NRG2: variants seen among roughly 807,000 people sequenced by gnomAD.
NRG2 encodes pro-neuregulin-2, membrane-bound isoform.
NRG2 carries 27 observed loss-of-function variants against 73.9 expected under a neutral mutation model. The observed-to-expected ratio is 0.37, with a 90% CI of 0.27 to 0.50. NRG2 has a LOEUF of 0.50. Ranked by LOEUF, NRG2 falls within the 20% of genes least tolerant of loss-of-function variation. The probability of loss-of-function intolerance (pLI) is 0.96; values close to 1 mark genes in which losing one functional copy is unlikely to be tolerated. For missense variants in NRG2, 1,126 were observed against 1,210.1 expected (o/e 0.93, Z 1.03); for synonymous variants, 532 against 541.0 (o/e 0.98, Z 0.23).
chr5:139,917,642 G>A (rs78071939), intron 1 of NRG2, among the ~76,000 whole-genome samples: 3,116 of 152,090 alleles, frequency 0.02, 110 homozygotes, highest in African/African-American at 0.071. Flanking sequence ...TCTTCTTTGG[G>A]GAAATGTTTA....
At chr5:140,015,483 T>A (rs1045139208) in intron 1 of NRG2, among the ~76,000 whole-genome samples, 8 of 152,228 alleles carry the variant, frequency 5.3e-5, no homozygotes, top group African/African-American at 1.9e-4. Flanking sequence ...TTCATCTTTG[T>A]GTCCCCAGTA....
chr5:140,010,497 C>T (rs995826590), intron 1 of NRG2, among the ~76,000 whole-genome samples: 1 of 151,842 alleles, frequency 6.6e-6, no homozygotes, highest in African/African-American at 2.4e-5. Flanking sequence ...ATTTTAACAA[C>T]AACAATTGAT....
At chr5:139,925,324 T>A (rs1212000882) in intron 1 of NRG2, among the ~76,000 whole-genome samples, 1 of 152,190 alleles carries the variant, frequency 6.6e-6, no homozygotes. Flanking sequence ...CCGCTGCTCC[T>A]CAGCTTCGTC....
At chr5:139,940,861 A>T (rs1439623710) in intron 1 of NRG2, among the ~76,000 whole-genome samples, 1 of 152,188 alleles carries the variant, frequency 6.6e-6, no homozygotes, top group Non-Finnish European at 1.5e-5. Context: ...AGATGCTGAT[A>T]CAGGGAAGTA....
At chr5:139,981,027 G>A (rs1756760255) in intron 1 of NRG2, among the ~76,000 whole-genome samples, 1 of 152,178 alleles carries the variant, frequency 6.6e-6, no homozygotes, top group South Asian at 2.1e-4. Context: ...GTGAAGAGTT[G>A]GGAAAAGCAT....
Position 139,848,101 on chromosome 5 carries a change from G to A in NRG2, c.2369C>T (p.Ala790Val), listed in dbSNP as rs1402078162. ...CAGGCCCAGGAAAGGTGTGCTCTCG[G>A]CCGCCAGCGCCCCGTCCGCGTCGTC... is the stretch of plus-strand genomic sequence containing the variant. ...DADDADGALAAESTPFLGLRG... is the reference protein window; with the variant it reads ...DADDADGALAVESTPFLGLRG... Residue 790 changes from alanine (A) to valine (V), a missense_variant, in exon 10 of 10, where the codon GCC becomes GTC. Physicochemically the swap from Ala to Val is moderately conservative, Grantham distance 64 (BLOSUM62 0). Transcript: ENST00000361474. 8 of 1,480,908 alleles carry A rather than the reference G, an allele frequency of 5.4e-6. No homozygotes were observed. The Middle Eastern group carries it at 7.0e-4, about 130-fold the overall frequency. The allele number at this position is 1,480,908 out of a possible 1,614,324, so 91.7% of individuals were successfully genotyped here.
chr5:139,956,447 C>T (rs1443376621), intron 1 of NRG2, among the ~76,000 whole-genome samples: 1 of 152,132 alleles, frequency 6.6e-6, no homozygotes, highest in African/African-American at 2.4e-5. Flanking sequence ...ATGACCCTTC[C>T]TAGCCCCAAG....
intron 5 of NRG2, among the ~76,000 whole-genome samples, chr5:139,861,162 G>A (rs1480197585): frequency 2.0e-5 from 3 of 152,240 alleles, no homozygotes; most frequent in African/African-American, 7.2e-5. Context: ...ACAGGAAGAT[G>A]TGAACAAGCC....
chr5:139,862,013 C>T (rs1399674412), intron 5 of NRG2, among the ~76,000 whole-genome samples: 2 of 152,182 alleles, frequency 1.3e-5, no homozygotes, highest in Non-Finnish European at 1.5e-5. Flanking sequence ...CCCAAGGTCA[C>T]ACAGCAAATT....
chr5:140,029,388 A>C (rs1237965996), intron 1 of NRG2, among the ~76,000 whole-genome samples: 1 of 152,222 alleles, frequency 6.6e-6, no homozygotes, highest in Non-Finnish European at 1.5e-5. Context: ...AATGTTTTCT[A>C]TAAGAAGGCA....
chr5:140,033,667 C>T (rs530871229), intron 1 of NRG2, among the ~76,000 whole-genome samples: 98 of 152,328 alleles, frequency 6.4e-4, no homozygotes, highest in African/African-American at 2.3e-3. Context: ...CAAGTTGAAA[C>T]AAATGGGAAT....
At position 139,915,307 on chromosome 5, in the gene NRG2, C is replaced by T. The variant is rs568764507; in HGVS notation, c.701-27796G>A. 7.9e-5 allele frequency among the ~76,000 whole-genome samples: 12 copies of T among 152,292 alleles called. No individual in the cohort carries two copies. The East Asian group carries it at 1.2e-3, about 15-fold the overall frequency. On this transcript the variant is annotated intron_variant, in intron 1 of 9. Transcript: ENST00000361474. The surrounding 1 kb of genome is among the most constrained non-coding windows in gnomAD (Gnocchi z 4.0). The stretch of plus-strand genomic sequence containing the variant: ...TTTTCCTACTGAGATGGGGTGATTT[C>T]GTGGACACAGTACAGAGGACAATGG...
intron 1 of NRG2, among the ~76,000 whole-genome samples, chr5:139,909,938 T>C (rs1011786388): frequency 6.6e-6 from 1 of 152,258 alleles, no homozygotes; most frequent in Non-Finnish European, 1.5e-5. Flanking sequence ...TCAGCATCCC[T>C]GTAAGCCGCA....
intron 4 of NRG2, among the ~76,000 whole-genome samples, chr5:139,867,418 G>C (rs1259348557): frequency 6.6e-6 from 1 of 152,076 alleles, no homozygotes; most frequent in African/African-American, 2.4e-5. Flanking sequence ...TTACTGAACA[G>C]GGTGGTTTGG....
chr5:140,012,089 G>A (rs1232980359), intron 1 of NRG2, among the ~76,000 whole-genome samples: 2 of 152,120 alleles, frequency 1.3e-5, no homozygotes, highest in African/African-American at 4.8e-5. Context: ...AGTTACTTCA[G>A]TGTGCCCCAG....
At chr5:140,000,342 C>T (rs1365857968) in intron 1 of NRG2, among the ~76,000 whole-genome samples, 1 of 152,250 alleles carries the variant, frequency 6.6e-6, no homozygotes, top group Non-Finnish European at 1.5e-5. Context: ...ACCACCCCTC[C>T]CTTCCTCGAG....
intron 1 of NRG2, among the ~76,000 whole-genome samples, chr5:140,035,134 TG>T (rs1426980236): frequency 6.6e-6 from 1 of 152,198 alleles, no homozygotes; most frequent in Non-Finnish European, 1.5e-5. Flanking sequence ...TTTTGTTTTT[TG>T]TTTTTTATTA....
intron 1 of NRG2, among the ~76,000 whole-genome samples, chr5:140,012,203 A>G (rs1161634372): frequency 7.1e-6 from 1 of 140,036 alleles, no homozygotes; most frequent in East Asian, 2.1e-4. Context: ...TCCCAACTCA[A>G]ATCTCTTTCC....
intron 1 of NRG2, among the ~76,000 whole-genome samples, chr5:139,997,832 A>G (rs1758135409): frequency 6.6e-6 from 1 of 152,252 alleles, no homozygotes; most frequent in African/African-American, 2.4e-5. Flanking sequence ...ACAGATGGAC[A>G]TGGTTCCCCT....
Sources: allele counts gnomAD v4.1 joint callset (sites outside exome capture counted in the v4.1 genomes callset), GRCh38; gene constraint gnomAD v4.1.1; non-coding constraint Gnocchi (gnomAD v3.1); transcripts MANE v1.5; gene names NCBI Gene and HGNC (gene_info 2026-07-23, HGNC 2026-07-21).